Variants in WDR70 observed in about 807,000 individuals in gnomAD.
The protein encoded by WDR70 is WD repeat domain 70.
Under a neutral mutation model 88.6 loss-of-function variants are expected in WDR70, and 53 were observed. The ratio of observed to expected loss-of-function variants is 0.60; its 90% CI spans 0.48 to 0.75. The LOEUF (loss-of-function observed/expected upper bound fraction) is 0.75, where lower values mean the gene tolerates loss of function less well. Ranked by LOEUF, WDR70 falls within the 30% of genes least tolerant of loss-of-function variation. The probability of loss-of-function intolerance (pLI) is 0.00; values close to 1 mark genes in which losing one functional copy is unlikely to be tolerated. For missense variants in WDR70, 610 were observed against 823.2 expected (o/e 0.74, Z 3.17); for synonymous variants, 280 against 270.0 (o/e 1.04, Z -0.36).
rs1224733635 is a variant in WDR70 at position 37,596,821 on chromosome 5, T to C, written c.918-8243T>C. Among the ~76,000 whole-genome samples the C allele has an allele frequency of 2.6e-5, 4 of 152,302 alleles. No individual in the cohort carries two copies. In the East Asian group the frequency reaches 7.7e-4, roughly 29 times the overall value. ...GTGTGATTTGACAAATGAATGGTTG[T>C]GTCTCTCCAAAAACTTCCCTTGTGA... On this transcript the variant is annotated intron_variant, in intron 9 of 17. Transcript: ENST00000265107.
chr5:37,407,352 A>G (rs535657075), intron 5 of WDR70, among the ~76,000 whole-genome samples: 6 of 152,174 alleles, frequency 3.9e-5, no homozygotes, highest in African/African-American at 1.4e-4. Context: ...GCGAAACCCC[A>G]TCTTTACCAA....
chr5:37,507,054 C>T (rs1046041919), intron 8 of WDR70, among the ~76,000 whole-genome samples: 3 of 152,182 alleles, frequency 2.0e-5, no homozygotes, highest in African/African-American at 4.8e-5. Flanking sequence ...CCTACTACTA[C>T]AGCTTTTAAA....
At chr5:37,596,411 C>T (rs909562555) in intron 9 of WDR70, among the ~76,000 whole-genome samples, 5 of 152,108 alleles carry the variant, frequency 3.3e-5, no homozygotes, top group Non-Finnish European at 7.4e-5. Context: ...GCTTCTCTTG[C>T]AGTTAGATGT....
At chr5:37,632,180 G>A (rs750823533) in intron 10 of WDR70, among the ~76,000 whole-genome samples, 6 of 152,164 alleles carry the variant, frequency 3.9e-5, no homozygotes, top group Non-Finnish European at 8.8e-5. Context: ...TGTTACTCGT[G>A]TTTGTAGTGA....
intron 6 of WDR70, among the ~76,000 whole-genome samples, chr5:37,441,398 C>T (rs926300521): frequency 6.6e-6 from 1 of 152,032 alleles, no homozygotes; most frequent in Non-Finnish European, 1.5e-5. Flanking sequence ...ATTATGAAAT[C>T]GGTATTTGCA....
chr5:37,684,560 G>A (rs1004751404), intron 10 of WDR70, among the ~76,000 whole-genome samples: 4 of 152,180 alleles, frequency 2.6e-5, no homozygotes, highest in Admixed American at 6.5e-5. Context: ...ATTATAGGGG[G>A]CTAAGGCTCC....
chr5:37,720,012 A>G (rs1747763097), intron 13 of WDR70, among the ~76,000 whole-genome samples: 1 of 151,922 alleles, frequency 6.6e-6, no homozygotes, highest in Admixed American at 6.6e-5. Context: ...CCAGCTGGGA[A>G]TCAATGTTCT....
At chr5:37,409,204 G>A (rs1419297646) in intron 5 of WDR70, among the ~76,000 whole-genome samples, 2 of 152,172 alleles carry the variant, frequency 1.3e-5, no homozygotes, top group Admixed American at 1.3e-4. Context: ...CTCCTAAAGT[G>A]CTGGGATTAC....
chr5:37,443,444 T>C, intron 7 of WDR70, 72 bp downstream of exon 7: 3 of 1,536,548 alleles, frequency 2.0e-6, no homozygotes, highest in Non-Finnish European at 2.7e-6. Context: ...TGCTGTTGGC[T>C]TTGGAATCCC....
At chr5:37,393,498 G>T (rs1425900494) in intron 4 of WDR70, among the ~76,000 whole-genome samples, 1 of 151,896 alleles carries the variant, frequency 6.6e-6, no homozygotes, top group Non-Finnish European at 1.5e-5. Context: ...GGTGTTTATT[G>T]TTGTAAATGT....
chr5:37,386,925 C>T (rs946346066), intron 3 of WDR70, among the ~76,000 whole-genome samples: 4 of 152,114 alleles, frequency 2.6e-5, no homozygotes, highest in African/African-American at 7.2e-5. Context: ...GGATGAAACC[C>T]TGTCTCTACT....
intron 9 of WDR70, among the ~76,000 whole-genome samples, chr5:37,574,191 C>A (rs1742990440): frequency 6.6e-6 from 1 of 152,134 alleles, no homozygotes; most frequent in Non-Finnish European, 1.5e-5. Context: ...TTAGAGGAAA[C>A]CCATGTTAGG....
In WDR70 at chr5:37,448,295, G is replaced by A. The variant is rs940887322; in HGVS notation, c.686+4923G>A. ...ACTTACTTGGTTTCTGGCACAACAT[G>A]ATGTAGGCTTCCTGTTACATTCCTT... is the stretch of plus-strand genomic sequence containing the variant. On this transcript the variant is annotated intron_variant, in intron 7 of 17. Coordinates refer to ENST00000265107, the MANE Select transcript of WDR70 (RefSeq NM_018034.4). 7.2e-5 allele frequency among the ~76,000 whole-genome samples: 11 copies of A among 152,130 alleles called. No homozygotes were observed. The South Asian group carries it at 1.0e-3, about 14-fold the overall frequency.
At chr5:37,586,645 G>A (rs1743372575) in intron 9 of WDR70, among the ~76,000 whole-genome samples, 1 of 146,090 alleles carries the variant, frequency 6.8e-6, no homozygotes, top group African/African-American at 2.5e-5. Context: ...CCGCTTATGA[G>A]TGAGAACATG....
intron 9 of WDR70, among the ~76,000 whole-genome samples, chr5:37,603,858 A>G (rs515404): frequency 0.76 from 114,916 of 151,826 alleles, 43,841 homozygotes; most frequent in African/African-American, 0.85. Context: ...CATCTTTAGC[A>G]TATCAAATTC....
intron 5 of WDR70, among the ~76,000 whole-genome samples, chr5:37,433,451 C>T (rs1201843868): frequency 1.3e-5 from 2 of 152,210 alleles, no homozygotes; most frequent in African/African-American, 2.4e-5. Flanking sequence ...TTGGAACTCT[C>T]TCTCTGGCTT....
At chr5:37,455,243 CTTTTTTT>C (rs544303522) in intron 7 of WDR70, among the ~76,000 whole-genome samples, 319 of 123,086 alleles carry the variant, frequency 2.6e-3, no homozygotes, top group Non-Finnish European at 3.9e-3. Context: ...TTCTTTCTTT[CTTTTTTT>C]TTTTTTTTTT....
chr5:37,722,928 A>G lies in WDR70; in HGVS notation c.1591A>G (p.Ile531Val). The G allele has an allele frequency of 6.2e-7, 1 of 1,613,552 alleles. No homozygotes were observed. The highest frequency in any genetic ancestry group is 8.5e-7 in the Non-Finnish European group (1 of 1,179,616). ...QAETLTQDYIITPHALPMFRE... is the reference protein window; with the variant it reads ...QAETLTQDYIVTPHALPMFRE... ...TGAGACTCTAACTCAGGACTACATC[A>G]TCACCCGTAAGTCGTTAACATGCCT... is the stretch of plus-strand genomic sequence containing the variant. Residue 531 changes from isoleucine (I) to valine (V), a missense_variant, in exon 15 of 18, where the codon ATC (isoleucine) becomes GTC (valine). Transcript: ENST00000265107.
intron 3 of WDR70, among the ~76,000 whole-genome samples, chr5:37,391,332 G>A (rs1032843933): frequency 1.3e-5 from 2 of 152,026 alleles, no homozygotes; most frequent in African/African-American, 4.8e-5. Flanking sequence ...GCATAGTGTT[G>A]TGCAGCCATC....
Sources: allele counts gnomAD v4.1 joint callset (sites outside exome capture counted in the v4.1 genomes callset), GRCh38; gene constraint gnomAD v4.1.1; transcripts MANE v1.5; gene names NCBI Gene and HGNC (gene_info 2026-07-23, HGNC 2026-07-21).